DPP10: variants seen among roughly 807,000 people sequenced by gnomAD.
The protein encoded by DPP10 is inactive dipeptidyl peptidase 10.
Under a neutral mutation model 120.9 loss-of-function variants are expected in DPP10, and 33 were observed. That is an observed-to-expected ratio of 0.27 (90% CI 0.21 to 0.37). The LOEUF (loss-of-function observed/expected upper bound fraction) is 0.37. DPP10 is among the 10% of genes least tolerant of loss of function. DPP10 has a pLI of 1.00. For missense variants in DPP10, 816 were observed against 942.8 expected, an observed-to-expected ratio of 0.87 and a Z score of 1.76; for synonymous variants, 337 against 326.1, an observed-to-expected ratio of 1.03 and a Z score of -0.36.
chr2:115,695,079 C>A (rs897441375), intron 7 of DPP10, among the ~76,000 whole-genome samples: 3 of 152,116 alleles, frequency 2.0e-5, no homozygotes, highest in Non-Finnish European at 4.4e-5. Context: ...GTGCCCTTTC[C>A]TACTCTTCAT....
intron 1 of DPP10, among the ~76,000 whole-genome samples, chr2:115,170,969 T>C (rs2053274601): frequency 6.6e-6 from 1 of 152,198 alleles, no homozygotes; most frequent in African/African-American, 2.4e-5. Flanking sequence ...TCTCTTTGCA[T>C]GAATGCCATC....
At chr2:115,821,881 AATAC>A (rs1687854060) in intron 21 of DPP10, among the ~76,000 whole-genome samples, 1 of 152,018 alleles carries the variant, frequency 6.6e-6, no homozygotes. Context: ...TTTATTTGTA[AATAC>A]ATAAGAGTAG....
chr2:115,621,835 G>T (rs934924836), intron 5 of DPP10, among the ~76,000 whole-genome samples: 1 of 151,944 alleles, frequency 6.6e-6, no homozygotes, highest in South Asian at 2.1e-4. Context: ...CTGCCACCAC[G>T]CCTGGCTAAT....
chr2:115,374,638 T>A (rs2065653427), intron 3 of DPP10, among the ~76,000 whole-genome samples: 1 of 152,248 alleles, frequency 6.6e-6, no homozygotes, highest in Non-Finnish European at 1.5e-5. Context: ...TGCAGCATAC[T>A]TCTGCCTGGA....
At chr2:114,775,751 A>G (rs1221092363) in intron 1 of DPP10, among the ~76,000 whole-genome samples, 1 of 152,210 alleles carries the variant, frequency 6.6e-6, no homozygotes, top group Non-Finnish European at 1.5e-5. Flanking sequence ...CTCTTTGTTC[A>G]TTCTTTTGAA....
intron 1 of DPP10, among the ~76,000 whole-genome samples, chr2:115,051,839 C>G (rs111411608): frequency 7.9e-4 from 1 of 1,264 alleles, no homozygotes; most frequent in Non-Finnish European, 3.4e-3. Context: ...TTCTCATAAC[C>G]AAAAAAATGA....
intron 1 of DPP10, among the ~76,000 whole-genome samples, chr2:115,040,439 T>C (rs1489900165): frequency 2.6e-5 from 4 of 152,102 alleles, no homozygotes; most frequent in Admixed American, 2.0e-4. Context: ...AGTTGACTAA[T>C]TTTTAAAAAT....
intron 1 of DPP10, among the ~76,000 whole-genome samples, chr2:115,088,750 C>CAAAAAAAAAAAAAAAAAAAAAAA (rs70941027): frequency 4.6e-5 from 3 of 65,036 alleles, no homozygotes; most frequent in Non-Finnish European, 8.4e-5. Context: ...CTGTGCCTGA[C>CAAAAAAAAAAAAAAAAAAAAAAA]AAAAAAAAAA....
chr2:114,778,874 G>A (rs986544901), intron 1 of DPP10, among the ~76,000 whole-genome samples: 1 of 152,002 alleles, frequency 6.6e-6, no homozygotes, highest in East Asian at 1.9e-4. Context: ...GAATTTAATT[G>A]ACCGAAAGAC....
chr2:115,819,749 C>A (rs1328064768), intron 21 of DPP10, among the ~76,000 whole-genome samples: 31 of 152,060 alleles, frequency 2.0e-4, no homozygotes. Flanking sequence ...ATCCCAGCAC[C>A]TTGGGAGGCC....
chr2:115,777,820 A>G lies in DPP10; in HGVS notation c.1347A>G (p.Gly449=). ...YFLSTESSPR[G]RQLYSASTEG... is the part of the protein sequence containing the mutation. ...TGAGCACTGAATCTTCTCCCAGAGG[A>G]AGGCAGCTGTACAGGTAAGCAGTGT... The change falls in exon 15 of 26, where the codon GGA becomes GGG. Residue 449 remains glycine (G), a synonymous_variant. Transcript: ENST00000410059. The G allele has an allele frequency of 6.2e-7, 1 of 1,613,284 alleles. No homozygotes were observed. Among genetic ancestry groups the G allele is most frequent in the East Asian group, 2.2e-5 (1 of 44,848 alleles).
intron 1 of DPP10, among the ~76,000 whole-genome samples, chr2:114,623,639 A>G (rs1233397236): frequency 6.6e-6 from 1 of 152,108 alleles, no homozygotes; most frequent in Non-Finnish European, 1.5e-5. Context: ...AGCAAAAATG[A>G]CCTATAAAAT....
chr2:114,493,798 A>C (rs923667719), intron 1 of DPP10, among the ~76,000 whole-genome samples: 2 of 152,150 alleles, frequency 1.3e-5, no homozygotes, highest in African/African-American at 4.8e-5. Flanking sequence ...GAGAAAAGAA[A>C]GGTAAACACT....
chr2:114,900,460 TAAGG>T (rs1396756418), intron 1 of DPP10, among the ~76,000 whole-genome samples: 1 of 152,246 alleles, frequency 6.6e-6, no homozygotes, highest in African/African-American at 2.4e-5. Context: ...GATTGATTGC[TAAGG>T]AAATTGAACA....
At chr2:114,766,277 A>C (rs1216445106) in intron 1 of DPP10, among the ~76,000 whole-genome samples, 1 of 152,284 alleles carries the variant, frequency 6.6e-6, no homozygotes, top group South Asian at 2.1e-4. Flanking sequence ...AAAATAAAAA[A>C]TAAAAATAAT....
intron 1 of DPP10, among the ~76,000 whole-genome samples, chr2:114,479,361 A>G (rs944696634): frequency 1.3e-5 from 2 of 152,100 alleles, no homozygotes; most frequent in African/African-American, 2.4e-5. Context: ...AACTACAAAA[A>G]TAAAATTATT....
intron 21 of DPP10, among the ~76,000 whole-genome samples, chr2:115,819,162 A>G (rs1687562708): frequency 6.6e-6 from 1 of 152,184 alleles, no homozygotes; most frequent in African/African-American, 2.4e-5. Context: ...CTAGACTATA[A>G]AGAAATTTGG....
At chr2:115,582,500 T>G (rs886489490) in intron 5 of DPP10, among the ~76,000 whole-genome samples, 5 of 152,140 alleles carry the variant, frequency 3.3e-5, no homozygotes, top group African/African-American at 1.2e-4. Flanking sequence ...TTAGAGCAAG[T>G]TTGACATCTG....
At chr2:114,950,949 C>T (rs1362057603) in intron 1 of DPP10, among the ~76,000 whole-genome samples, 2 of 152,076 alleles carry the variant, frequency 1.3e-5, no homozygotes, top group Non-Finnish European at 2.9e-5. Flanking sequence ...AGGAAAGCAT[C>T]TCTTATGGGG....
Sources: gnomAD v4.1 joint callset for allele counts (sites outside exome capture counted in the v4.1 genomes callset) on GRCh38, gnomAD v4.1.1 for gene constraint, MANE v1.5 for transcripts, NCBI Gene and HGNC (gene_info 2026-07-23, HGNC 2026-07-21) for gene names.